The following PPP1R13B variants were observed in gnomAD, a reference collection of about 807,000 sequenced individuals.
The protein encoded by PPP1R13B is apoptosis-stimulating of p53 protein 1.
In PPP1R13B, 44 loss-of-function variants were observed where a neutral mutation model predicts 119.8. That is an observed-to-expected ratio of 0.37 (90% CI 0.29 to 0.47). PPP1R13B has a LOEUF of 0.47. PPP1R13B is among the 20% of genes least tolerant of loss of function. The pLI is 0.99. For synonymous variants in PPP1R13B, 542 were observed against 561.5 expected, an observed-to-expected ratio of 0.97 and a Z score of 0.49; for missense variants, 1,227 against 1,413.5, an observed-to-expected ratio of 0.87 and a Z score of 2.12.
chr14:103,847,629 C>G (rs2087092161), upstream of PPP1R13B: 1 of 985,582 alleles, frequency 1.0e-6, no homozygotes, highest in Admixed American at 6.2e-5. Flanking sequence ...GCCCCCAGCG[C>G]GACGCCCCGC....
intron 12 of PPP1R13B, chr14:103,739,412 G>A (rs929068103): frequency 2.6e-5 from 8 of 309,754 alleles, no homozygotes; most frequent in Non-Finnish European, 3.6e-5. Flanking sequence ...AGATCCTAGT[G>A]GAGAGAATCC....
chr14:103,792,498 A>G (rs2085647872), intron 2 of PPP1R13B, among the ~76,000 whole-genome samples: 1 of 152,198 alleles, frequency 6.6e-6, no homozygotes, highest in Non-Finnish European at 1.5e-5. Flanking sequence ...ATTAATTTCA[A>G]GAAAGCTTCG....
intron 1 of PPP1R13B, among the ~76,000 whole-genome samples, chr14:103,839,078 CCTCTGCTCACCGCAAT>C (rs1454607494): frequency 3.3e-5 from 5 of 152,044 alleles, no homozygotes; most frequent in African/African-American, 7.2e-5. Flanking sequence ...CTCACCGCAA[CCTCTGCTCACCGCAAT>C]CTCTGCCTCC....
At chr14:103,839,927 C>T (rs1468995473) in intron 1 of PPP1R13B, among the ~76,000 whole-genome samples, 2 of 152,200 alleles carry the variant, frequency 1.3e-5, no homozygotes, top group African/African-American at 4.8e-5. Context: ...AATAATGCCA[C>T]TAACAAGATC....
At chr14:103,797,620 T>C in intron 1 of PPP1R13B, 102 bp from the exon 2 acceptor site, 1 of 492,716 alleles carries the variant, frequency 2.0e-6, no homozygotes, top group Middle Eastern at 4.1e-4. Context: ...GCCCCCAAAA[T>C]GCCTACAGAA....
intron 9 of PPP1R13B, among the ~76,000 whole-genome samples, chr14:103,745,591 G>T (rs2084366009): frequency 6.6e-6 from 1 of 152,026 alleles, no homozygotes; most frequent in Admixed American, 6.5e-5. Context: ...TACACTAGAG[G>T]TCCAAGTCCA....
At chr14:103,749,439 G>C (rs1435622127) in intron 8 of PPP1R13B, among the ~76,000 whole-genome samples, 1 of 152,198 alleles carries the variant, frequency 6.6e-6, no homozygotes, top group Non-Finnish European at 1.5e-5. Context: ...GCAAGTCAAA[G>C]AATTTGCTCA....
At chr14:103,831,009 T>A (rs2086654094) in intron 1 of PPP1R13B, among the ~76,000 whole-genome samples, 1 of 151,022 alleles carries the variant, frequency 6.6e-6, no homozygotes, top group Non-Finnish European at 1.5e-5. Flanking sequence ...AACGGCACGA[T>A]CTTGGCTCAC....
chr14:103,760,178 G>C (rs1001368853), intron 4 of PPP1R13B, among the ~76,000 whole-genome samples: 4 of 151,198 alleles, frequency 2.6e-5, no homozygotes, highest in Admixed American at 2.6e-4. Context: ...GTGAAAATTT[G>C]GGAAAAAAGA....
chr14:103,742,086 G>GT lies in PPP1R13B; in HGVS notation c.1525dup (p.Thr509AsnfsTer38). 1 of 1,613,884 alleles carries GT rather than the reference G, an allele frequency of 6.2e-7. No homozygotes were observed. The highest frequency in any genetic ancestry group is 1.1e-5 in the South Asian group (1 of 91,080). ...CTGTTGTGAGGAGCCTGGCTGGGGG[G>GT]TGCTGCCTGTGGCGGGCAGCAGGGT... On this transcript the variant is annotated frameshift_variant, in exon 11 of 17. Coordinates refer to ENST00000202556, the MANE Select transcript of PPP1R13B (RefSeq NM_015316.3). LOFTEE classifies it high-confidence loss of function. The surrounding 1 kb of genome is among the most constrained non-coding windows in gnomAD (Gnocchi z 4.9).
rs1037645641 is a variant in PPP1R13B at position 103,738,244 on chromosome 14, C to T, written c.2865-384G>A. 2 of 291,354 alleles carry T rather than the reference C, an allele frequency of 6.9e-6. No individual in the cohort carries two copies. The highest frequency in any genetic ancestry group is 1.3e-5 in the Non-Finnish European group (2 of 154,702). The allele number at this position is 291,354 out of a possible 1,614,324, so 18.0% of individuals were successfully genotyped here. On this transcript the variant is annotated intron_variant, in intron 14 of 16. Coordinates refer to ENST00000202556, the MANE Select transcript of PPP1R13B (RefSeq NM_015316.3). The surrounding 1 kb of genome is among the most constrained non-coding windows in gnomAD (Gnocchi z 5.6). ...CTGTCTGAAAGTTCAAAATAACCCC[C>T]ACAGGAGACCAACACGCCTCGCCCA... is the stretch of plus-strand genomic sequence containing the variant.
chr14:103,844,009 G>A (rs993839774), intron 1 of PPP1R13B, among the ~76,000 whole-genome samples: 35 of 151,732 alleles, frequency 2.3e-4, no homozygotes, highest in African/African-American at 8.5e-4. Flanking sequence ...GCTCACACCT[G>A]TAATCCCAGC....
chr14:103,803,415 AG>A (rs1248114250), intron 1 of PPP1R13B, among the ~76,000 whole-genome samples: 3 of 152,158 alleles, frequency 2.0e-5, no homozygotes, highest in Admixed American at 2.0e-4. Context: ...AGGCCAAGGC[AG>A]GCGGATCACT....
intron 7 of PPP1R13B, among the ~76,000 whole-genome samples, chr14:103,752,464 C>T (rs1009134948): frequency 1.3e-5 from 2 of 150,584 alleles, no homozygotes; most frequent in South Asian, 4.2e-4. Flanking sequence ...ACTGACAAGT[C>T]GGTGAAGGTA....
intron 1 of PPP1R13B, chr14:103,846,952 G>T: frequency 8.3e-7 from 1 of 1,207,164 alleles, no homozygotes; most frequent in Non-Finnish European, 1.1e-6. Flanking sequence ...GTTCGTTTCA[G>T]GCGGGTCACA....
intron 1 of PPP1R13B, among the ~76,000 whole-genome samples, chr14:103,825,395 A>C (rs2086514760): frequency 6.6e-6 from 1 of 152,242 alleles, no homozygotes; most frequent in Non-Finnish European, 1.5e-5. Context: ...AAGGAATGTC[A>C]AAAGCTGAGA....
At chr14:103,835,200 G>A (rs1244609863) in intron 1 of PPP1R13B, among the ~76,000 whole-genome samples, 1 of 152,108 alleles carries the variant, frequency 6.6e-6, no homozygotes, top group Non-Finnish European at 1.5e-5. Context: ...ACGGCTCACT[G>A]CAACCTCCAC....
At chr14:103,822,157 G>A (rs928619228) in intron 1 of PPP1R13B, among the ~76,000 whole-genome samples, 12 of 151,346 alleles carry the variant, frequency 7.9e-5, no homozygotes, top group Admixed American at 2.0e-4. Context: ...TTTTGGAGAC[G>A]GAGTTTTGCT....
At chr14:103,809,202 C>T (rs1027134997) in intron 1 of PPP1R13B, among the ~76,000 whole-genome samples, 5 of 152,084 alleles carry the variant, frequency 3.3e-5, no homozygotes, top group Non-Finnish European at 7.4e-5. Flanking sequence ...AGTTAAATAG[C>T]CACTACAATA....
Sources: gnomAD v4.1 joint callset for allele counts (sites outside exome capture counted in the v4.1 genomes callset) on GRCh38, gnomAD v4.1.1 for gene constraint, Gnocchi (gnomAD v3.1) non-coding constraint, MANE v1.5 for transcripts, NCBI Gene and HGNC (gene_info 2026-07-23, HGNC 2026-07-21) for gene names.